The following CAB39L variants were observed in gnomAD, a reference collection of about 807,000 sequenced individuals.
The protein encoded by CAB39L is calcium binding protein 39 like.
Under a neutral mutation model 39.1 loss-of-function variants are expected in CAB39L, and 23 were observed. The observed-to-expected ratio is 0.59, with a 90% CI of 0.42 to 0.83. The LOEUF (loss-of-function observed/expected upper bound fraction) is 0.83. CAB39L is among the 40% of genes least tolerant of loss of function. The probability of loss-of-function intolerance (pLI) is 0.00; values close to 1 mark genes in which losing one functional copy is unlikely to be tolerated. For missense variants in CAB39L, 366 were observed against 391.9 expected (o/e 0.93, Z 0.56); for synonymous variants, 126 against 137.2 (o/e 0.92, Z 0.57).
At chr13:49,353,626 C>T (rs1027420982) in intron 6 of CAB39L, among the ~76,000 whole-genome samples, 1 of 152,024 alleles carries the variant, frequency 6.6e-6, no homozygotes, top group African/African-American at 2.4e-5. Flanking sequence ...CTAATCACTA[C>T]AATTCAGGAT....
intron 3 of CAB39L, among the ~76,000 whole-genome samples, chr13:49,408,911 C>CA (rs1426148917): frequency 1.6e-4 from 25 of 151,664 alleles, no homozygotes; most frequent in Middle Eastern, 3.4e-3. Context: ...ATCGTGTGAC[C>CA]AAAAAAACCC....
chr13:49,417,493 T>C lies in CAB39L; in HGVS notation c.-32+15825A>G, dbSNP rs140692112. 2.8e-3 allele frequency among the ~76,000 whole-genome samples: 422 copies of C among 152,320 alleles called. 3 individuals are homozygous for C. Among genetic ancestry groups the C allele is most frequent in the Non-Finnish European group, 3.4e-3 (232 of 68,022 alleles). On this transcript the variant is annotated intron_variant, in intron 3 of 10. Transcript: ENST00000409308. ...CCAGATAGAAATTACATTTTCCTTC[T>C]ACAGTGAAGCCAACATGTCCTGTAA...
intron 7 of CAB39L, among the ~76,000 whole-genome samples, chr13:49,346,890 G>A (rs1328747801): frequency 6.6e-6 from 1 of 152,054 alleles, no homozygotes; most frequent in Non-Finnish European, 1.5e-5. Context: ...ATGGTTGTAT[G>A]GAATCCTTTT....
At position 49,377,072 on chromosome 13, in the gene CAB39L, G is replaced by A. The variant is rs141795356; in HGVS notation, c.171C>T (p.Asn57=). ...QAMKEILCGT[N]EKEPPTEAVA... ...CTGCTTCTGTTGGGGGTTCTTTCTC[G>A]TTTGTACCACACAGAATTTCTTTCA... Residue 57 remains asparagine (N), a synonymous_variant, in exon 5 of 11, where the codon AAC becomes AAT. Coordinates refer to ENST00000409308, the MANE Select transcript of CAB39L (RefSeq NM_001079670.3). 1.3e-4 allele frequency: 210 copies of A among 1,613,378 alleles called. No individual in the cohort carries two copies. The highest frequency in any genetic ancestry group is 1.2e-4 in the Non-Finnish European group (141 of 1,179,564).
chr13:49,383,806 A>C (rs1956297748), intron 3 of CAB39L, among the ~76,000 whole-genome samples: 1 of 152,198 alleles, frequency 6.6e-6, no homozygotes, highest in Non-Finnish European at 1.5e-5. Flanking sequence ...CTAAAACTTA[A>C]AGTATAATAA....
chr13:49,350,691 C>A, intron 7 of CAB39L, 53 bp downstream of exon 7: 1 of 1,347,540 alleles, frequency 7.4e-7, no homozygotes, highest in South Asian at 1.6e-5. Context: ...ATTGCCTCTT[C>A]AGGGGCCAAG....
intron 3 of CAB39L, among the ~76,000 whole-genome samples, chr13:49,419,673 T>C (rs1411364676): frequency 3.3e-5 from 5 of 152,208 alleles, no homozygotes; most frequent in African/African-American, 1.2e-4. Flanking sequence ...GTACTGTCAA[T>C]TGGCAAAACA....
At chr13:49,420,729 T>C (rs953613397) in intron 3 of CAB39L, among the ~76,000 whole-genome samples, 1 of 152,248 alleles carries the variant, frequency 6.6e-6, no homozygotes, top group Non-Finnish European at 1.5e-5. Context: ...CCTAGAATTC[T>C]AGAACACCCA....
chr13:49,423,124 T>C (rs1460088415), intron 3 of CAB39L, among the ~76,000 whole-genome samples: 1 of 152,198 alleles, frequency 6.6e-6, no homozygotes, highest in Non-Finnish European at 1.5e-5. Context: ...GACTATACCA[T>C]AGATCATTGA....
chr13:49,359,136 C>G (rs1955562298), intron 6 of CAB39L, among the ~76,000 whole-genome samples: 2 of 152,200 alleles, frequency 1.3e-5, no homozygotes, highest in South Asian at 2.1e-4. Context: ...ACCTAGATCT[C>G]CAGTCTTTAT....
intron 10 of CAB39L, among the ~76,000 whole-genome samples, chr13:49,325,617 C>T (rs1954475984): frequency 6.6e-6 from 1 of 152,018 alleles, no homozygotes; most frequent in African/African-American, 2.4e-5. Context: ...GGCAAAACCT[C>T]ATCTGTACTA....
At chr13:49,341,227 A>C (rs891919997) in intron 8 of CAB39L, among the ~76,000 whole-genome samples, 21 of 152,170 alleles carry the variant, frequency 1.4e-4, no homozygotes, top group Admixed American at 1.4e-3. Flanking sequence ...TCATTTCCTA[A>C]ATTCAAAAAT....
At chr13:49,391,531 T>C (rs1489378787) in intron 3 of CAB39L, among the ~76,000 whole-genome samples, 1 of 152,058 alleles carries the variant, frequency 6.6e-6, no homozygotes, top group Non-Finnish European at 1.5e-5. Flanking sequence ...TCTGGAAAAA[T>C]ACAACTAAAA....
rs1274125336 is a variant in CAB39L at position 49,373,026 on chromosome 13, G to T, written c.276+3941C>A. Reference sequence around the variant, plus strand: ...TTACAAAGGTTTAAGGTGAACAAAGGATAATCACAGCACAGTGCAGAAACA... The same window carrying T: ...TTACAAAGGTTTAAGGTGAACAAAGTATAATCACAGCACAGTGCAGAAACA... On this transcript the variant is annotated intron_variant, in intron 5 of 10. Coordinates refer to ENST00000409308, the MANE Select transcript of CAB39L (RefSeq NM_001079670.3). 3.3e-5 allele frequency among the ~76,000 whole-genome samples: 5 copies of T among 152,276 alleles called. No homozygotes were observed. The South Asian group carries it at 6.2e-4, about 19-fold the overall frequency.
chr13:49,345,041 C>T (rs1223408583), intron 7 of CAB39L, among the ~76,000 whole-genome samples: 1 of 152,122 alleles, frequency 6.6e-6, no homozygotes, highest in Non-Finnish European at 1.5e-5. Context: ...AAATTATATC[C>T]TTAACTCACT....
intron 9 of CAB39L, among the ~76,000 whole-genome samples, chr13:49,333,896 C>CA (rs1213129348): frequency 1.3e-5 from 2 of 152,046 alleles, no homozygotes; most frequent in African/African-American, 4.8e-5. Flanking sequence ...TCTAACTGCC[C>CA]ACTGGGCAGT....
At chr13:49,433,451 T>G in intron 2 of CAB39L, 58 bp from the exon 3 acceptor site, 1 of 427,360 alleles carries the variant, frequency 2.3e-6, no homozygotes, top group Non-Finnish European at 4.6e-6. Context: ...AAATCCAACA[T>G]ATTTTCTTAT....
In CAB39L at chr13:49,350,821, T is replaced by C. The variant is rs761158835; in HGVS notation, c.487A>G (p.Asn163Asp). ...EPLAKIILFS[N>D]QFRDFFKYVE... The stretch of plus-strand genomic sequence containing the variant: ...TACTTAAAGAAATCTCTGAATTGAT[T>C]AGAAAAGAGGATGATTTTGGCAAGT... The change falls in exon 7 of 11, where the codon AAT becomes GAT. Residue 163 changes from asparagine to aspartate, a missense_variant. By Grantham distance (23) the Asn-to-Asp change is conservative. Coordinates refer to ENST00000409308, the MANE Select transcript of CAB39L (RefSeq NM_001079670.3). The C allele has an allele frequency of 1.9e-6, 3 of 1,612,242 alleles. No homozygotes were observed. Among genetic ancestry groups the C allele is most frequent in the Non-Finnish European group, 2.5e-6 (3 of 1,178,968 alleles).
intron 6 of CAB39L, among the ~76,000 whole-genome samples, chr13:49,356,805 C>T (rs1955498252): frequency 6.6e-6 from 1 of 152,096 alleles, no homozygotes; most frequent in African/African-American, 2.4e-5. Flanking sequence ...TAGCTCATGC[C>T]TGTAATTCCA....
Sources: gnomAD v4.1 joint callset for allele counts (sites outside exome capture counted in the v4.1 genomes callset) on GRCh38, gnomAD v4.1.1 for gene constraint, MANE v1.5 for transcripts, NCBI Gene and HGNC (gene_info 2026-07-23, HGNC 2026-07-21) for gene names.